Variants in GRXCR1 observed in about 807,000 individuals in gnomAD.
GRXCR1 encodes glutaredoxin and cysteine rich domain containing 1.
In GRXCR1, 27 loss-of-function variants were observed where a neutral mutation model predicts 27.3. The observed-to-expected ratio is 0.99, with a 90% CI of 0.73 to 1.37. The LOEUF is 1.37. Ranked by LOEUF, GRXCR1 falls within the 40% of genes most tolerant of loss-of-function variation. The probability of loss-of-function intolerance (pLI) is 0.00; values close to 1 mark genes in which losing one functional copy is unlikely to be tolerated. For synonymous variants in GRXCR1, 122 were observed against 131.1 expected (o/e 0.93, Z 0.47); for missense variants, 379 against 354.4 (o/e 1.07, Z -0.56).
chr4:42,893,361 T>G lies in GRXCR1; in HGVS notation c.95T>G (p.Val32Gly). ...SSHSGRVLKEVYEDGQPSGSL... is the reference protein window; with the variant it reads ...SSHSGRVLKEGYEDGQPSGSL... ...CACAGTGGGCGAGTTCTGAAGGAAG[T>G]GTATGAAGATGGGCAACCGTCAGGC... The change falls in exon 1 of 4, where the codon GTG becomes GGG. Residue 32 changes from valine to glycine, a missense_variant. By Grantham distance (109) the Val-to-Gly change is moderately radical (BLOSUM62 -3). Transcript: ENST00000399770. The G allele has an allele frequency of 6.2e-7, 1 of 1,613,726 alleles. No individual in the cohort carries two copies. The highest frequency in any genetic ancestry group is 8.5e-7 in the Non-Finnish European group (1 of 1,179,796).
chr4:43,029,421 T>A (rs934169121), intron 3 of GRXCR1, among the ~76,000 whole-genome samples: 1 of 152,182 alleles, frequency 6.6e-6, no homozygotes, highest in Non-Finnish European at 1.5e-5. Context: ...TGCAAATTCC[T>A]TTTTTGCAAG....
rs576639261 is a variant in GRXCR1 at position 43,009,540 on chromosome 4, A to C, written c.628-10814A>C. The stretch of plus-strand genomic sequence containing the variant: ...ATAAACTGGTTGGCTTACAAACAAC[A>C]GAAATTCATTTCTGTCAATTGTGAG... On this transcript the variant is annotated intron_variant, in intron 2 of 3. Coordinates refer to ENST00000399770, the MANE Select transcript of GRXCR1 (RefSeq NM_001080476.3). Among the ~76,000 whole-genome samples the C allele has an allele frequency of 2.0e-3, 306 of 152,310 alleles. 1 individual carries two copies. Among genetic ancestry groups the C allele is most frequent in the Non-Finnish European group, 2.8e-3 (193 of 68,032 alleles).
In GRXCR1 at chr4:43,024,113, G is replaced by T. The variant is rs561115152; in HGVS notation, c.693+3694G>T. 1.0e-3 allele frequency among the ~76,000 whole-genome samples: 150 copies of T among 149,240 alleles called. 1 individual carries two copies. In the South Asian group the frequency reaches 0.02, roughly 20 times the overall value. On this transcript the variant is annotated intron_variant, in intron 3 of 3. Transcript: ENST00000399770. The stretch of plus-strand genomic sequence containing the variant: ...GGCAGAGAAGCTCCAAGTAAGCTTT[G>T]CCTTGTTATTTTTTTGAAGATATGA...
intron 2 of GRXCR1, among the ~76,000 whole-genome samples, chr4:42,991,952 C>CTTCT (rs1266439911): frequency 6.6e-6 from 1 of 152,098 alleles, no homozygotes; most frequent in East Asian, 1.9e-4. Flanking sequence ...AGGCATGTGG[C>CTTCT]TTCTGTATAT....
At chr4:42,924,473 C>T (rs1314231752) in intron 1 of GRXCR1, among the ~76,000 whole-genome samples, 3 of 152,046 alleles carry the variant, frequency 2.0e-5, no homozygotes, top group Non-Finnish European at 4.4e-5. Context: ...ACATAATCCG[C>T]CCAAGGTTGT....
At chr4:42,908,174 A>G (rs1746639651) in intron 1 of GRXCR1, among the ~76,000 whole-genome samples, 1 of 152,084 alleles carries the variant, frequency 6.6e-6, no homozygotes, top group Admixed American at 6.5e-5. Context: ...TGCTCACTTG[A>G]GCTCTCTGAA....
At chr4:42,928,657 T>G (rs1431149090) in intron 1 of GRXCR1, among the ~76,000 whole-genome samples, 1 of 151,708 alleles carries the variant, frequency 6.6e-6, no homozygotes, top group Non-Finnish European at 1.5e-5. Context: ...CACACCAGAG[T>G]GCTCAGGAGG....
chr4:42,916,171 G>C (rs1270065546), intron 1 of GRXCR1, among the ~76,000 whole-genome samples: 1 of 151,744 alleles, frequency 6.6e-6, no homozygotes, highest in Admixed American at 6.6e-5. Flanking sequence ...ATAAGATTTG[G>C]AACTCAAGAA....
At chr4:42,945,905 A>T (rs1161515350) in intron 1 of GRXCR1, among the ~76,000 whole-genome samples, 1 of 152,148 alleles carries the variant, frequency 6.6e-6, no homozygotes, top group East Asian at 1.9e-4. Context: ...AAACTACCGC[A>T]TTATTTCCTT....
intron 2 of GRXCR1, among the ~76,000 whole-genome samples, chr4:42,989,400 T>C (rs553591102): frequency 8.5e-5 from 13 of 152,146 alleles, no homozygotes; most frequent in South Asian, 6.2e-4. Context: ...CTTAATTACC[T>C]CCTTAAAAGC....
intron 1 of GRXCR1, among the ~76,000 whole-genome samples, chr4:42,927,043 A>G (rs1747172035): frequency 6.6e-6 from 1 of 152,032 alleles, no homozygotes; most frequent in Admixed American, 6.6e-5. Flanking sequence ...TATTATTCTG[A>G]GACCTTTTAT....
At chr4:42,913,011 T>C (rs1266644893) in intron 1 of GRXCR1, among the ~76,000 whole-genome samples, 1 of 152,308 alleles carries the variant, frequency 6.6e-6, no homozygotes, top group African/African-American at 2.4e-5. Context: ...CCTGCTGCCC[T>C]ATGAAGAGGT....
At chr4:42,923,037 A>G (rs1340185551) in intron 1 of GRXCR1, among the ~76,000 whole-genome samples, 1 of 151,932 alleles carries the variant, frequency 6.6e-6, no homozygotes, top group Admixed American at 6.6e-5. Context: ...TGAACACTCA[A>G]CCCCCAACCT....
intron 1 of GRXCR1, among the ~76,000 whole-genome samples, chr4:42,946,265 T>C (rs1213165074): frequency 7.0e-6 from 1 of 143,060 alleles, no homozygotes; most frequent in Non-Finnish European, 1.5e-5. Flanking sequence ...AAAAGGTCAC[T>C]GCAAATGCTT....
intron 1 of GRXCR1, among the ~76,000 whole-genome samples, chr4:42,918,547 G>A (rs377189825): frequency 6.6e-6 from 1 of 151,962 alleles, no homozygotes; most frequent in South Asian, 2.1e-4. Flanking sequence ...CTGTGCTCTG[G>A]GCTGAAGTCC....
intron 1 of GRXCR1, among the ~76,000 whole-genome samples, chr4:42,928,641 T>C (rs1198947153): frequency 6.6e-6 from 1 of 151,922 alleles, no homozygotes; most frequent in Non-Finnish European, 1.5e-5. Flanking sequence ...CAAAAGCACA[T>C]GGAAGCACAC....
At chr4:42,958,052 C>T (rs1228300027) in intron 1 of GRXCR1, among the ~76,000 whole-genome samples, 2 of 151,826 alleles carry the variant, frequency 1.3e-5, no homozygotes, top group African/African-American at 4.8e-5. Context: ...TGTTTGTACC[C>T]ATCTATCTTG....
At chr4:43,024,869 GT>G (rs1169331524) in intron 3 of GRXCR1, among the ~76,000 whole-genome samples, 1 of 152,114 alleles carries the variant, frequency 6.6e-6, no homozygotes, top group Admixed American at 6.5e-5. Context: ...CTGACAATTT[GT>G]TTTATGGGTA....
At chr4:43,002,096 C>T (rs190973041) in intron 2 of GRXCR1, among the ~76,000 whole-genome samples, 90 of 152,332 alleles carry the variant, frequency 5.9e-4, no homozygotes, top group Admixed American at 3.3e-3. Flanking sequence ...AATGTACAAT[C>T]GGGTTTTATA....
Sources: gnomAD v4.1 joint callset for allele counts (sites outside exome capture counted in the v4.1 genomes callset) on GRCh38, gnomAD v4.1.1 for gene constraint, MANE v1.5 for transcripts, NCBI Gene and HGNC (gene_info 2026-07-23, HGNC 2026-07-21) for gene names.